DIMT1: variants seen among roughly 807,000 people sequenced by gnomAD.
DIMT1 encodes the protein DIM1 rRNA methyltransferase and ribosome maturation factor.
A neutral mutation model predicts 43.2 loss-of-function variants in DIMT1; 36 were observed. The ratio of observed to expected loss-of-function variants is 0.83; its 90% CI spans 0.64 to 1.10. The LOEUF is 1.10. Ranked by LOEUF, DIMT1 falls within the 50% of genes least tolerant of loss-of-function variation. The pLI is 0.00. For synonymous variants in DIMT1, 126 were observed against 130.3 expected (o/e 0.97, Z 0.22); for missense variants, 341 against 385.3 (o/e 0.88, Z 0.96).
At chr5:62,400,909 C>T (rs1035204599) in intron 3 of DIMT1, among the ~76,000 whole-genome samples, 1 of 151,712 alleles carries the variant, frequency 6.6e-6, no homozygotes, top group South Asian at 2.1e-4. Flanking sequence ...CAGTCAGGCA[C>T]CACCATGCCC....
chr5:62,391,911 T>C lies in DIMT1; in HGVS notation c.792+260A>G, dbSNP rs1015694782. 5.9e-6 allele frequency: 9 copies of C among 1,534,238 alleles called. No individual in the cohort carries two copies. In the African/African-American group the frequency reaches 9.6e-5, roughly 16 times the overall value. ...AACCTGTAACTGCTGAATCTGATTC[T>C]TGTTATGGCTAAAAACAACTGTCAG... is the stretch of plus-strand genomic sequence containing the variant. On this transcript the variant is annotated intron_variant, in intron 10 of 11. Transcript: ENST00000199320.
intron 3 of DIMT1, 148 bp from the exon 4 acceptor site, chr5:62,399,029 T>C: frequency 1.4e-6 from 1 of 720,614 alleles, no homozygotes; most frequent in East Asian, 2.7e-5. Flanking sequence ...ACTCGCATAC[T>C]TCAAACAACA....
intron 11 of DIMT1, among the ~76,000 whole-genome samples, chr5:62,389,303 T>C (rs1050808292): frequency 1.4e-4 from 21 of 151,844 alleles, no homozygotes; most frequent in Non-Finnish European, 1.2e-4. Context: ...CTGGCCAACA[T>C]GGTGAAACCC....
At chr5:62,392,105 A>G (rs1429352510) in intron 10 of DIMT1, 66 bp downstream of exon 10, 9 of 1,605,022 alleles carry the variant, frequency 5.6e-6, no homozygotes, top group Admixed American at 1.7e-5. Context: ...TAGATCAACA[A>G]GAATAAAAAT....
rs1303449314 is a variant in DIMT1, at chr5:62,390,891, A to G, written c.884T>C (p.Ile295Thr). 12 of 1,611,742 alleles carry G rather than the reference A, an allele frequency of 7.4e-6. No individual in the cohort carries two copies. The highest frequency in any genetic ancestry group is 1.0e-5 in the Non-Finnish European group (12 of 1,179,692). The change falls in exon 11 of 12, where the codon ATA (isoleucine) becomes ACA (threonine). Residue 295 changes from isoleucine (I) to threonine (T), a missense_variant. Physicochemically the swap from Ile to Thr is moderately conservative, Grantham distance 89 (BLOSUM62 -1). Transcript: ENST00000199320. ...FSDKRARSMD[I>T]DDFIRLLHGF... Reference sequence around the variant, plus strand: ...ATGTAATTACCTGATGAAGTCATCTATGTCCATGGAACGGGCCCGTTTGTC... The same window carrying G: ...ATGTAATTACCTGATGAAGTCATCTGTGTCCATGGAACGGGCCCGTTTGTC...
Position 62,391,692 on chromosome 5 carries a change from T to TA in DIMT1, c.792+478dup, listed in dbSNP as rs1203992520. ...ATCGCACACACTGTTACACAAATGA[T>TA]ACGCATGAGGCTCACAACCAGAAAT... is the stretch of plus-strand genomic sequence containing the variant. On this transcript the variant is annotated intron_variant, in intron 10 of 11. Transcript: ENST00000199320. The TA allele has an allele frequency of 3.9e-6, 5 of 1,267,264 alleles. No homozygotes were observed. The African/African-American group carries it at 6.1e-5, about 15-fold the overall frequency. The allele number at this position is 1,267,264 out of a possible 1,614,324, so 78.5% of individuals were successfully genotyped here.
chr5:62,394,335 ACGCACACCTCTAGT>A (rs1353028330), intron 7 of DIMT1, 135 bp downstream of exon 7: 15 of 854,612 alleles, frequency 1.8e-5, no homozygotes, highest in Admixed American at 1.1e-4. Flanking sequence ...AGGCGTGGTG[ACGCACACCTCTAGT>A]CCCAGCTACT....
chr5:62,397,691 A>G (rs547997907), intron 6 of DIMT1, among the ~76,000 whole-genome samples: 2 of 151,654 alleles, frequency 1.3e-5, no homozygotes, highest in East Asian at 3.9e-4. Flanking sequence ...CTCAGTCGCC[A>G]AGGCTGGAGT....
rs1330448601 is a variant in DIMT1, at chr5:62,388,020, T to TTA, written c.*988_*989dup. The stretch of plus-strand genomic sequence containing the variant: ...GCTACTATAACTCTATTATAGTATA[T>TTA]TAACAGCACTTAGTATTATATTGAC... On this transcript the variant is annotated 3_prime_UTR_variant, in exon 12 of 12. Transcript: ENST00000199320. 1 of 152,152 alleles carries TTA rather than the reference T, an allele frequency of 6.6e-6. No individual in the cohort carries two copies. The highest frequency in any genetic ancestry group is 1.5e-5 in the Non-Finnish European group (1 of 68,002). The allele number at this position is 152,152 out of a possible 1,614,324, so 9.4% of individuals were successfully genotyped here.
chr5:62,394,685 TG>T, intron 6 of DIMT1, 78 bp from the exon 7 acceptor site: 6 of 1,591,270 alleles, frequency 3.8e-6, no homozygotes, highest in Non-Finnish European at 5.1e-6. Context: ...TGAATTTTCT[TG>T]GGAGAGAAAT....
In DIMT1 at chr5:62,403,273, C is replaced by G; in HGVS notation, c.153G>C (p.Lys51Asn). Residue 51 changes from lysine (K) to asparagine (N), a missense_variant and splice_region_variant, in exon 2 of 12, where the codon AAG (lysine) becomes AAC (asparagine). Lys to Asn is a moderately conservative substitution (Grantham distance 94, BLOSUM62 0). Transcript: ENST00000199320. ...NPLIINSIID[K>N]AALRPTDVVL... ...TCTCCCTTTCCTCTTCCACACCCAC[C>G]TTATCGATAATGCTGTTAATAATGA... 6.2e-7 allele frequency: 1 copy of G among 1,613,418 alleles called. No homozygotes were observed. The highest frequency in any genetic ancestry group is 8.5e-7 in the Non-Finnish European group (1 of 1,179,396).
At position 62,388,738 on chromosome 5, in the gene DIMT1, A is replaced by G. The variant is rs1742153909; in HGVS notation, c.*272T>C. ...ATCTTTATACAATAAACTGTTAGAA[A>G]TGATAAGTGTAAAGTTGTGCGTCTC... On this transcript the variant is annotated 3_prime_UTR_variant, in exon 12 of 12. Transcript: ENST00000199320. 2.3e-6 allele frequency: 1 copy of G among 435,150 alleles called. No individual in the cohort carries two copies. Among genetic ancestry groups the G allele is most frequent in the African/African-American group, 2.0e-5 (1 of 49,400 alleles). The allele number at this position is 435,150 out of a possible 1,614,324, so 27.0% of individuals were successfully genotyped here.
intron 9 of DIMT1, among the ~76,000 whole-genome samples, chr5:62,392,467 T>C (rs1742343121): frequency 6.6e-6 from 1 of 151,960 alleles, no homozygotes; most frequent in South Asian, 2.1e-4. Context: ...TAATACCTCT[T>C]AAATTCTTAG....
chr5:62,391,812 G>A, intron 10 of DIMT1: 1 of 1,407,222 alleles, frequency 7.1e-7, no homozygotes, highest in Non-Finnish European at 9.2e-7. Context: ...ACAAGACGTG[G>A]TCACAATTCA....
At chr5:62,398,973 G>C in intron 3 of DIMT1, 92 bp from the exon 4 acceptor site, 1 of 1,001,118 alleles carries the variant, frequency 1.0e-6, no homozygotes, top group Admixed American at 2.5e-5. Flanking sequence ...TGATTTATGT[G>C]ACAAACTTCT....
Position 62,398,892 on chromosome 5 carries a change from A to G in DIMT1, c.241-11T>C. ...TTCACAAGCAACAACCTAATTTAAA[A>G]AAAATAAAAATTATTTAGGTTAATT... On this transcript the variant is annotated splice_polypyrimidine_tract_variant and intron_variant, in intron 3 of 11. Coordinates refer to ENST00000199320, the MANE Select transcript of DIMT1 (RefSeq NM_014473.4). 6.3e-7 allele frequency: 1 copy of G among 1,587,116 alleles called. No homozygotes were observed. The highest frequency in any genetic ancestry group is 1.1e-5 in the South Asian group (1 of 87,404).
chr5:62,401,647 A>G lies in DIMT1; in HGVS notation c.240+389T>C, dbSNP rs372133258. Among the ~76,000 whole-genome samples the G allele has an allele frequency of 6.6e-5, 9 of 136,500 alleles. No individual in the cohort carries two copies. In the South Asian group the frequency reaches 2.2e-3, roughly 33 times the overall value. The allele number at this position is 136,500 out of a possible 152,430, so 89.5% of individuals were successfully genotyped here. On this transcript the variant is annotated intron_variant, in intron 3 of 11. Transcript: ENST00000199320. Reference sequence around the variant, plus strand: ...CACCAGGCTGGAGTGCAGTGGTGCAATCCTGGCTCACTGCAACCTCTGCCT... The same window carrying G: ...CACCAGGCTGGAGTGCAGTGGTGCAGTCCTGGCTCACTGCAACCTCTGCCT...
chr5:62,387,974 A>AT lies in DIMT1; in HGVS notation c.*1035dup, dbSNP rs958018567. The AT allele has an allele frequency of 6.6e-6, 1 of 152,114 alleles. No homozygotes were observed. The highest frequency in any genetic ancestry group is 1.5e-5 in the Non-Finnish European group (1 of 68,010). 9.4% of individuals were successfully genotyped at this position (152,114 alleles called of 1,614,324 possible). On this transcript the variant is annotated 3_prime_UTR_variant, in exon 12 of 12. Transcript: ENST00000199320. ...AATATCAATAAAGATATTTTTATTA[A>AT]TTTTTTATAGAAACAAAATAGCTAC...
intron 10 of DIMT1, chr5:62,391,627 T>C: frequency 2.0e-6 from 2 of 985,116 alleles, no homozygotes; most frequent in Non-Finnish European, 2.5e-6. Flanking sequence ...TCTCTCTCTG[T>C]TCTAATTAAA....
Sources: gnomAD v4.1 joint callset for allele counts (sites outside exome capture counted in the v4.1 genomes callset) on GRCh38, gnomAD v4.1.1 for gene constraint, MANE v1.5 for transcripts, NCBI Gene and HGNC (gene_info 2026-07-23, HGNC 2026-07-21) for gene names.